The following SMG6 variants were observed in gnomAD, a reference collection of about 807,000 sequenced individuals.
SMG6 encodes telomerase-binding protein EST1A.
Under a neutral mutation model 142.2 loss-of-function variants are expected in SMG6, and 66 were observed. The ratio of observed to expected loss-of-function variants is 0.46; its 90% CI spans 0.38 to 0.57. The LOEUF (loss-of-function observed/expected upper bound fraction) is 0.57. Among genes scored for constraint, SMG6 ranks in the 20% least tolerant of loss-of-function variants. The pLI is 0.00. For synonymous variants in SMG6, 779 were observed against 702.4 expected, an observed-to-expected ratio of 1.11 and a Z score of -1.72; for missense variants, 1,793 against 1,832.0, an observed-to-expected ratio of 0.98 and a Z score of 0.39.
At chr17:2,289,939 T>TAC (rs1371327662) in intron 6 of SMG6, among the ~76,000 whole-genome samples, 1 of 72,344 alleles carries the variant, frequency 1.4e-5, no homozygotes, top group African/African-American at 8.1e-5. Context: ...TATTATTTTA[T>TAC]ACATATATAT....
chr17:2,142,889 A>C (rs2070531045), intron 13 of SMG6, among the ~76,000 whole-genome samples: 1 of 13,820 alleles, frequency 7.2e-5, no homozygotes, highest in Non-Finnish European at 1.5e-4. Context: ...ACACTGTCTC[A>C]AAAAAAAAAA....
chr17:2,244,114 G>A (rs1334507869), intron 9 of SMG6, among the ~76,000 whole-genome samples: 4 of 152,188 alleles, frequency 2.6e-5, no homozygotes, highest in African/African-American at 9.6e-5. Context: ...TCCCTGAGAT[G>A]TCTATGGAAA....
intron 1 of SMG6, 47 bp from the exon 2 acceptor site, chr17:2,300,711 A>G: frequency 6.7e-7 from 1 of 1,489,290 alleles, no homozygotes; most frequent in Non-Finnish European, 9.0e-7. Context: ...AGAAGATAAG[A>G]ATAAAGAAGG....
At chr17:2,227,353 A>C (rs757026123) in intron 10 of SMG6, among the ~76,000 whole-genome samples, 1 of 152,272 alleles carries the variant, frequency 6.6e-6, no homozygotes, top group Non-Finnish European at 1.5e-5. Flanking sequence ...TGGATAAACA[A>C]AACTACACAA....
chr17:2,233,935 T>C (rs1476387490), intron 10 of SMG6, among the ~76,000 whole-genome samples: 1 of 152,200 alleles, frequency 6.6e-6, no homozygotes, highest in African/African-American at 2.4e-5. Context: ...GAGTGTTATA[T>C]CCTGTGGCCT....
rs141137568 is a variant in SMG6, at chr17:2,213,505, T to C, written c.2869+22987A>G. 2.9e-3 allele frequency among the ~76,000 whole-genome samples: 434 copies of C among 152,242 alleles called. 7 individuals are homozygous for C. The highest frequency in any genetic ancestry group is 9.8e-3 in the African/African-American group (408 of 41,542). On this transcript the variant is annotated intron_variant, in intron 10 of 18. Coordinates refer to ENST00000263073, the MANE Select transcript of SMG6 (RefSeq NM_017575.5). Reference sequence around the variant, plus strand: ...GAGTTTGCTGAGTTCCAGGCCATCATTCTTGAGGGTGTAATAACCATGGGC... The same window carrying C: ...GAGTTTGCTGAGTTCCAGGCCATCACTCTTGAGGGTGTAATAACCATGGGC...
intron 10 of SMG6, 40 bp from the exon 11 acceptor site, chr17:2,188,555 A>G: frequency 6.4e-7 from 1 of 1,550,956 alleles, no homozygotes. Flanking sequence ...CCCCAGGCGG[A>G]CAAGATGCAC....
chr17:2,154,291 T>G lies in SMG6; in HGVS notation c.3357+18367A>C, dbSNP rs2070933984. 2.9e-5 allele frequency among the ~76,000 whole-genome samples: 4 copies of G among 138,510 alleles called. No homozygotes were observed. The Admixed American group carries it at 3.0e-4, about 10-fold the overall frequency. 90.9% of individuals were successfully genotyped at this position (138,510 alleles called of 152,430 possible). ...GGGAAACCTGGGGATGCATCTAGAG[T>G]GTGACGGTGACTGGGAAACCTGGGG... is the stretch of plus-strand genomic sequence containing the variant. On this transcript the variant is annotated intron_variant, in intron 13 of 18. Transcript: ENST00000263073.
intron 6 of SMG6, among the ~76,000 whole-genome samples, chr17:2,292,269 C>G (rs756653104): frequency 9.9e-5 from 15 of 152,180 alleles, no homozygotes; most frequent in Admixed American, 2.0e-4. Context: ...TTCAGAGTGG[C>G]AGCTCTGGTC....
At position 2,087,026 on chromosome 17, in the gene SMG6, A is replaced by C. The variant is rs747892252; in HGVS notation, c.3358-1125T>G. On this transcript the variant is annotated intron_variant, in intron 13 of 18. Coordinates refer to ENST00000263073, the MANE Select transcript of SMG6 (RefSeq NM_017575.5). ...ATCCTCGTTTCTTAGTGTGAAAGGAACTTCACAGTAATAAGCCTTCTATCT... is the reference window on the plus strand; with the variant it reads ...ATCCTCGTTTCTTAGTGTGAAAGGACCTTCACAGTAATAAGCCTTCTATCT... 4.7e-6 allele frequency: 6 copies of C among 1,290,156 alleles called. No individual in the cohort carries two copies. The Middle Eastern group carries it at 6.4e-4, about 137-fold the overall frequency. 79.9% of individuals were successfully genotyped at this position (1,290,156 alleles called of 1,614,324 possible). A position where few individuals can be genotyped will look rare whatever the true frequency, so the allele number is the denominator to read the frequency against.
At position 2,267,755 on chromosome 17, in the gene SMG6, T is replaced by A. The variant is rs779444504; in HGVS notation, c.2661+14892A>T. ...TTTTTAATTATTTTTATTATTATTT[T>A]TTTTTTTTTTGAGACAGAGTCTCGC... On this transcript the variant is annotated intron_variant, in intron 8 of 18. Transcript: ENST00000263073. Among the ~76,000 whole-genome samples, 821 of 150,102 alleles carry A rather than the reference T, an allele frequency of 5.5e-3. 2 individuals carry two copies. Among genetic ancestry groups the A allele is most frequent in the Non-Finnish European group, 8.5e-3 (576 of 67,440 alleles).
chr17:2,104,821 A>G (rs952363529), intron 13 of SMG6, among the ~76,000 whole-genome samples: 1 of 152,152 alleles, frequency 6.6e-6, no homozygotes, highest in African/African-American at 2.4e-5. Flanking sequence ...GATTTGTCTT[A>G]CTCCAAAGTT....
chr17:2,088,035 C>CT, intron 13 of SMG6: 1 of 985,556 alleles, frequency 1.0e-6, no homozygotes, highest in South Asian at 4.7e-5. Context: ...GAGAGGGGAG[C>CT]TAAGGAGTGA....
chr17:2,188,591 C>A, intron 10 of SMG6, 76 bp from the exon 11 acceptor site: 1 of 1,264,490 alleles, frequency 7.9e-7, no homozygotes, highest in Non-Finnish European at 1.1e-6. Flanking sequence ...ACCGAGCTTC[C>A]TTTTCCTCAC....
chr17:2,161,339 G>A (rs1254452359), intron 13 of SMG6, among the ~76,000 whole-genome samples: 1 of 151,760 alleles, frequency 6.6e-6, no homozygotes, highest in African/African-American at 2.4e-5. Flanking sequence ...CCCGACCTCA[G>A]GTTGATCAGC....
chr17:2,108,805 A>T, intron 13 of SMG6, among the ~76,000 whole-genome samples: 1 of 151,978 alleles, frequency 6.6e-6, no homozygotes, highest in Non-Finnish European at 1.5e-5. Flanking sequence ...TTAGTCGCGC[A>T]TGGTGGCGGG....
intron 13 of SMG6, among the ~76,000 whole-genome samples, chr17:2,131,813 T>A (rs969999927): frequency 1.3e-5 from 2 of 152,186 alleles, no homozygotes; most frequent in Non-Finnish European, 2.9e-5. Context: ...GTAATTCTAG[T>A]GTAATTCTAG....
intron 10 of SMG6, among the ~76,000 whole-genome samples, chr17:2,207,599 A>G (rs2072727270): frequency 6.6e-6 from 1 of 152,162 alleles, no homozygotes; most frequent in Non-Finnish European, 1.5e-5. Flanking sequence ...TCAATGATAT[A>G]TTAAAATATC....
chr17:2,128,650 C>T (rs949583799), intron 13 of SMG6, among the ~76,000 whole-genome samples: 1 of 151,770 alleles, frequency 6.6e-6, no homozygotes, highest in African/African-American at 2.4e-5. Flanking sequence ...GTGGTGAAAC[C>T]CCGTCTCTAC....
Sources: allele counts gnomAD v4.1 joint callset (sites outside exome capture counted in the v4.1 genomes callset), GRCh38; gene constraint gnomAD v4.1.1; transcripts MANE v1.5; gene names NCBI Gene and HGNC (gene_info 2026-07-23, HGNC 2026-07-21).